RAB44: variants seen among roughly 807,000 people sequenced by gnomAD.
RAB44 encodes the protein RAB44, member RAS oncogene family, also known as ras-related protein Rab-44.
Under a neutral mutation model 93.3 loss-of-function variants are expected in RAB44, and 67 were observed. The observed-to-expected ratio is 0.72, with a 90% CI of 0.59 to 0.88. RAB44 has a LOEUF of 0.88. Ranked by LOEUF, RAB44 falls within the 40% of genes least tolerant of loss-of-function variation. The pLI is 0.00. For missense variants in RAB44, 1,064 were observed against 1,261.7 expected (o/e 0.84, Z 2.37); for synonymous variants, 427 against 520.3 (o/e 0.82, Z 2.44).
intron 9 of RAB44, among the ~76,000 whole-genome samples, chr6:36,724,741 A>C (rs1453553033): frequency 6.6e-6 from 1 of 152,094 alleles, no homozygotes; most frequent in African/African-American, 2.4e-5. Context: ...AGTACCTGAG[A>C]TCCAAGTGCT....
rs114741269 is a variant in RAB44 at position 36,731,904 on chromosome 6, T to G, written c.2976-99T>G. On this transcript the variant is annotated intron_variant, in intron 13 of 13. Coordinates refer to ENST00000612677, the MANE Select transcript of RAB44 (RefSeq NM_001257357.2). The surrounding 1 kb of genome is among the most constrained non-coding windows in gnomAD (Gnocchi z 4.0). The stretch of plus-strand genomic sequence containing the variant: ...GCAGGGGCAGAGCTGTTGTGGGGGT[T>G]GTGGGTGCGGCCTCCCACCCCCCAG... The G allele has an allele frequency of 4.0e-4, 252 of 627,058 alleles. 1 individual carries two copies. The African/African-American group carries it at 4.5e-3, about 11-fold the overall frequency. 38.8% of individuals were successfully genotyped at this position (627,058 alleles called of 1,614,324 possible).
intron 3 of RAB44, 116 bp downstream of exon 3, chr6:36,714,055 C>G (rs6916443): frequency 4.4e-6 from 3 of 683,092 alleles, no homozygotes; most frequent in Non-Finnish European, 7.6e-6. Flanking sequence ...TTTCACCCCC[C>G]ATCCCCGGCT....
At chr6:36,729,252 C>A (rs1763305685) in intron 12 of RAB44, among the ~76,000 whole-genome samples, 1 of 152,132 alleles carries the variant, frequency 6.6e-6, no homozygotes, top group Non-Finnish European at 1.5e-5. Context: ...CATCAAAAGC[C>A]CCACTGCCAG....
Position 36,701,246 on chromosome 6 carries a change from A to C in RAB44, c.-12-2978A>C, listed in dbSNP as rs1344234010. The stretch of plus-strand genomic sequence containing the variant: ...CACCTCAATCTCCCTAATAGCTAGA[A>C]CTTCAAGCACACGCCACCATGCCTG... On this transcript the variant is annotated intron_variant, in intron 1 of 13. Coordinates refer to ENST00000612677, the MANE Select transcript of RAB44 (RefSeq NM_001257357.2). Among the ~76,000 whole-genome samples, 3 of 151,908 alleles carry C rather than the reference A, an allele frequency of 2.0e-5. No homozygotes were observed. In the East Asian group the frequency reaches 5.8e-4, roughly 29 times the overall value.
intron 11 of RAB44, among the ~76,000 whole-genome samples, chr6:36,728,009 C>T (rs902324396): frequency 2.0e-5 from 3 of 152,176 alleles, no homozygotes; most frequent in African/African-American, 4.8e-5. Flanking sequence ...GTGGTAATTC[C>T]TCTGTTCACA....
chr6:36,700,163 A>G (rs1193966070), intron 1 of RAB44, among the ~76,000 whole-genome samples: 1 of 152,240 alleles, frequency 6.6e-6, no homozygotes, highest in African/African-American at 2.4e-5. Context: ...TGATGTTTCA[A>G]CTTTAATTAT....
At chr6:36,702,572 T>G (rs1762540406) in intron 1 of RAB44, among the ~76,000 whole-genome samples, 2 of 152,222 alleles carry the variant, frequency 1.3e-5, no homozygotes, top group Admixed American at 1.3e-4. Flanking sequence ...TTCCATCTCC[T>G]GGGCATGAGC....
chr6:36,708,793 T>C (rs1211717296), intron 2 of RAB44, among the ~76,000 whole-genome samples: 1 of 152,120 alleles, frequency 6.6e-6, no homozygotes, highest in Non-Finnish European at 1.5e-5. Context: ...AACAGTAGCC[T>C]CTTTTTAACC....
Position 36,728,806 on chromosome 6 carries a change from G to C in RAB44, c.2898+5G>C, listed in dbSNP as rs763590816. ...GCTGGGCAGCAACTGGCCCAGGTAA[G>C]CACTTGGGCATCAGCCCGTCTCTGT... is the stretch of plus-strand genomic sequence containing the variant. On this transcript the variant is annotated splice_donor_5th_base_variant and intron_variant, in intron 12 of 13. Transcript: ENST00000612677. The C allele has an allele frequency of 6.5e-7, 1 of 1,548,408 alleles. No individual in the cohort carries two copies. The highest frequency in any genetic ancestry group is 2.0e-5 in the Admixed American group (1 of 51,006).
chr6:36,713,915 C>T lies in RAB44; in HGVS notation c.295C>T (p.Leu99Phe). The change falls in exon 3 of 14, where the codon CTT (leucine) becomes TTT (phenylalanine). Residue 99 changes from leucine to phenylalanine, a missense_variant. Physicochemically the swap from Leu to Phe is conservative, Grantham distance 22. Transcript: ENST00000612677. ...TGTGGAGCGGAAGGGACACCTGTCC[C>T]TTGAAGAATTCAGCTCTGGACTCAG... ...VDVERKGHLS[L>F]EEFSSGLKNI... is the part of the protein sequence containing the mutation. The T allele has an allele frequency of 1.3e-6, 2 of 1,535,084 alleles. No homozygotes were observed. The highest frequency in any genetic ancestry group is 2.4e-5 in the South Asian group (2 of 84,034).
chr6:36,712,148 CA>C (rs1168852915), intron 2 of RAB44, among the ~76,000 whole-genome samples: 1 of 151,556 alleles, frequency 6.6e-6, no homozygotes, highest in Admixed American at 6.6e-5. Flanking sequence ...ACTAAAAATA[CA>C]AAAACTAGCC....
At chr6:36,704,952 T>C (rs1483930542) in intron 2 of RAB44, among the ~76,000 whole-genome samples, 2 of 151,910 alleles carry the variant, frequency 1.3e-5, no homozygotes, top group Non-Finnish European at 2.9e-5. Flanking sequence ...AAACCCCGTC[T>C]CTACTAAAAA....
At chr6:36,702,508 C>A (rs987102804) in intron 1 of RAB44, among the ~76,000 whole-genome samples, 2 of 152,206 alleles carry the variant, frequency 1.3e-5, no homozygotes, top group Non-Finnish European at 2.9e-5. Context: ...ACCACTCCAC[C>A]CAGCCTGTCT....
At chr6:36,703,391 G>C (rs1322672642) in intron 1 of RAB44, among the ~76,000 whole-genome samples, 3 of 152,238 alleles carry the variant, frequency 2.0e-5, no homozygotes, top group Non-Finnish European at 4.4e-5. Flanking sequence ...AGCCCAGCTT[G>C]AATGCAGGGG....
chr6:36,708,623 G>A (rs148787961), intron 2 of RAB44, among the ~76,000 whole-genome samples: 1 of 152,132 alleles, frequency 6.6e-6, no homozygotes, highest in Admixed American at 6.5e-5. Context: ...ATAGAAGAAG[G>A]TAATATGATT....
At chr6:36,708,447 A>G (rs1392323252) in intron 2 of RAB44, among the ~76,000 whole-genome samples, 1 of 152,168 alleles carries the variant, frequency 6.6e-6, no homozygotes, top group Non-Finnish European at 1.5e-5. Context: ...TAAAATTTTT[A>G]TTGTATTTTT....
chr6:36,708,893 T>G (rs1471628594), intron 2 of RAB44, among the ~76,000 whole-genome samples: 2 of 149,220 alleles, frequency 1.3e-5, no homozygotes, highest in African/African-American at 2.5e-5. Context: ...GGCCATAAAA[T>G]TTTCATGAGT....
At chr6:36,707,860 G>A (rs527736009) in intron 2 of RAB44, among the ~76,000 whole-genome samples, 6 of 152,256 alleles carry the variant, frequency 3.9e-5, no homozygotes, top group Non-Finnish European at 5.9e-5. Context: ...ATATCAGAAC[G>A]GAGGACAGTG....
At chr6:36,726,478 C>T (rs1247300518) in intron 10 of RAB44, among the ~76,000 whole-genome samples, 3 of 152,078 alleles carry the variant, frequency 2.0e-5, no homozygotes, top group Non-Finnish European at 4.4e-5. Context: ...CTCCTGACCT[C>T]GTGATCTACC....
Sources: gnomAD v4.1 joint callset for allele counts (sites outside exome capture counted in the v4.1 genomes callset) on GRCh38, gnomAD v4.1.1 for gene constraint, Gnocchi (gnomAD v3.1) non-coding constraint, MANE v1.5 for transcripts, NCBI Gene and HGNC (gene_info 2026-07-23, HGNC 2026-07-21) for gene names.